The following TAB2 variants were observed in gnomAD, a reference collection of about 807,000 sequenced individuals.
TAB2 encodes the protein TGF-beta-activated kinase 1 and MAP3K7-binding protein 2.
Under a neutral mutation model 65.0 loss-of-function variants are expected in TAB2, and 3 were observed. The observed-to-expected ratio is 0.05, with a 90% CI of 0.02 to 0.12. TAB2 has a LOEUF of 0.12. Ranked by LOEUF, TAB2 falls within the 10% of genes least tolerant of loss-of-function variation. The pLI is 1.00. For synonymous variants in TAB2, 298 were observed against 285.1 expected (o/e 1.05, Z -0.46); for missense variants, 623 against 840.3 (o/e 0.74, Z 3.20).
In TAB2 at chr6:149,389,690, T is replaced by A. The variant is rs1781921147; in HGVS notation, c.1604-7914T>A. On this transcript the variant is annotated intron_variant, in intron 3 of 6. Transcript: ENST00000637181. ...AGGTATAAACCTTTCTAAGCCATAA[T>A]CACTCCCACGTCGCATAATGACTCA... Among the ~76,000 whole-genome samples the A allele has an allele frequency of 2.0e-5, 3 of 147,892 alleles. No homozygotes were observed. In the South Asian group the frequency reaches 6.6e-4, roughly 33 times the overall value.
chr6:149,388,134 A>T (rs1362229152), intron 3 of TAB2, among the ~76,000 whole-genome samples: 1 of 152,152 alleles, frequency 6.6e-6, no homozygotes, highest in Non-Finnish European at 1.5e-5. Flanking sequence ...AACAACTAAG[A>T]TTTATTTCTA....
rs539992056 is a variant in TAB2, at chr6:149,219,348, G to C, written c.-121+572G>C. On this transcript the variant is annotated intron_variant, in intron 1 of 1. Coordinates refer to the TAB2 transcript ENST00000606202. Reference sequence around the variant, plus strand: ...TGTGTGTGTGTGTGTGTGTGTACTGGGACAAGTATATAAGTAAACAGTGTC... The same window carrying C: ...TGTGTGTGTGTGTGTGTGTGTACTGCGACAAGTATATAAGTAAACAGTGTC... Among the ~76,000 whole-genome samples, 56 of 148,692 alleles carry C rather than the reference G, an allele frequency of 3.8e-4. 1 individual carries two copies. The South Asian group carries it at 0.012, about 31-fold the overall frequency.
intron 1 of TAB2, chr6:149,321,256 T>C (rs1221920667): frequency 1.3e-5 from 2 of 152,238 alleles, no homozygotes; most frequent in East Asian, 3.8e-4. Context: ...AGAATTTAAA[T>C]GTATGCATGT....
rs1562456548 is a variant in TAB2 at position 149,403,321 on chromosome 6, C to CACACATAT, written c.1939+4138_1939+4139insCACATATA. Among the ~76,000 whole-genome samples, 156 of 65,640 alleles carry CACACATAT rather than the reference C, an allele frequency of 2.4e-3. 4 individuals carry two copies. The highest frequency in any genetic ancestry group is 8.8e-3 in the African/African-American group (151 of 17,162). The allele number at this position is 65,640 out of a possible 152,430, so 43.1% of individuals were successfully genotyped here. ...ATATATATATATATATATACACACA[C>CACACATAT]ATATATATACATATATATACACACA... On this transcript the variant is annotated intron_variant, in intron 6 of 6. Transcript: ENST00000637181.
intron 1 of TAB2, among the ~76,000 whole-genome samples, chr6:149,241,928 G>C (rs1028228508): frequency 6.6e-6 from 1 of 152,112 alleles, no homozygotes; most frequent in African/African-American, 2.4e-5. Flanking sequence ...GCCCCGTAAG[G>C]CTGCTCCTGG....
At chr6:149,325,787 T>A (rs1246058188) in intron 1 of TAB2, among the ~76,000 whole-genome samples, 1 of 152,218 alleles carries the variant, frequency 6.6e-6, no homozygotes, top group African/African-American at 2.4e-5. Flanking sequence ...TTGCCCAGGC[T>A]GGAATGCAGT....
chr6:149,306,575 A>C (rs1162122475), intron 1 of TAB2, among the ~76,000 whole-genome samples: 3 of 145,032 alleles, frequency 2.1e-5, no homozygotes, highest in African/African-American at 7.8e-5. Flanking sequence ...AAAAAAAAAC[A>C]AAAAACAAAA....
intron 1 of TAB2, among the ~76,000 whole-genome samples, chr6:149,254,314 A>G (rs1250497466): frequency 6.6e-6 from 1 of 152,194 alleles, no homozygotes; most frequent in Non-Finnish European, 1.5e-5. Flanking sequence ...TGGTAGAACC[A>G]TGTGAAGCCT....
At chr6:149,394,253 C>T (rs1782092865) in intron 3 of TAB2, among the ~76,000 whole-genome samples, 1 of 151,972 alleles carries the variant, frequency 6.6e-6, no homozygotes, top group South Asian at 2.1e-4. Flanking sequence ...TATTTCTAGC[C>T]ATATTTTTTA....
chr6:149,276,601 C>T (rs1284818505), intron 1 of TAB2, among the ~76,000 whole-genome samples: 1 of 152,198 alleles, frequency 6.6e-6, no homozygotes, highest in Non-Finnish European at 1.5e-5. Flanking sequence ...TGTCCAACCT[C>T]ACTCATAAGA....
intron 1 of TAB2, among the ~76,000 whole-genome samples, chr6:149,299,841 ATTTTT>A (rs5880830): frequency 6.8e-6 from 1 of 146,514 alleles, no homozygotes. Flanking sequence ...CAGTTCTACA[ATTTTT>A]TTTTTTTTTT....
At chr6:149,287,430 T>C (rs2114691311) in intron 1 of TAB2, among the ~76,000 whole-genome samples, 1 of 151,976 alleles carries the variant, frequency 6.6e-6, no homozygotes, top group East Asian at 1.9e-4. Context: ...AATAATAAGC[T>C]TCCCCTACAC....
At chr6:149,335,736 C>A (rs1779915361) in intron 1 of TAB2, among the ~76,000 whole-genome samples, 1 of 151,704 alleles carries the variant, frequency 6.6e-6, no homozygotes, top group African/African-American at 2.4e-5. Context: ...AAGAAAAATA[C>A]AATTTTATGA....
At chr6:149,280,097 C>T (rs2114684520) in intron 1 of TAB2, among the ~76,000 whole-genome samples, 1 of 152,280 alleles carries the variant, frequency 6.6e-6, no homozygotes, top group East Asian at 1.9e-4. Context: ...GCTTCCAGTA[C>T]CTGTAGTAAT....
intron 1 of TAB2, among the ~76,000 whole-genome samples, chr6:149,273,292 G>A (rs1268846671): frequency 6.6e-6 from 1 of 152,188 alleles, no homozygotes; most frequent in Middle Eastern, 3.2e-3. Context: ...GCCGAGCTGA[G>A]GTGGGAAAAA....
At chr6:149,221,557 T>C (rs1777149339) in intron 1 of TAB2, among the ~76,000 whole-genome samples, 1 of 152,224 alleles carries the variant, frequency 6.6e-6, no homozygotes, top group Admixed American at 6.5e-5. Flanking sequence ...GAGCCACTGC[T>C]ACAGCCAACT....
chr6:149,252,538 T>C (rs1312020898), intron 1 of TAB2, among the ~76,000 whole-genome samples: 1 of 152,212 alleles, frequency 6.6e-6, no homozygotes. Context: ...TCCATCCCTA[T>C]ACCGATCCTG....
At chr6:149,257,013 G>T (rs987939577) in intron 1 of TAB2, among the ~76,000 whole-genome samples, 7 of 152,142 alleles carry the variant, frequency 4.6e-5, no homozygotes, top group African/African-American at 1.7e-4. Context: ...CGTGTAAAAT[G>T]AAAAAGAATA....
At chr6:149,349,419 C>CA (rs369838005) in intron 1 of TAB2, among the ~76,000 whole-genome samples, 26,303 of 81,490 alleles carry the variant, frequency 0.32, 3,018 homozygotes, top group Non-Finnish European at 0.34. Context: ...CACTCCGTCT[C>CA]AAAAAAAAAA....
Sources: gnomAD v4.1 joint callset for allele counts (sites outside exome capture counted in the v4.1 genomes callset) on GRCh38, gnomAD v4.1.1 for gene constraint, MANE v1.5 for transcripts, NCBI Gene and HGNC (gene_info 2026-07-23, HGNC 2026-07-21) for gene names.